The following NLRC4 variants were observed in gnomAD, a reference collection of about 807,000 sequenced individuals.
NLRC4 encodes NLR family CARD domain-containing protein 4.
A neutral mutation model predicts 79.9 loss-of-function variants in NLRC4; 63 were observed. That is an observed-to-expected ratio of 0.79 (90% CI 0.64 to 0.97). The LOEUF is 0.97. Among genes scored for constraint, NLRC4 ranks in the 50% least tolerant of loss-of-function variants. The probability of loss-of-function intolerance (pLI) is 0.00; values close to 1 mark genes in which losing one functional copy is unlikely to be tolerated. For synonymous variants in NLRC4, 461 were observed against 456.5 expected (o/e 1.01, Z -0.12); for missense variants, 1,074 against 1,215.2 (o/e 0.88, Z 1.73).
At chr2:32,244,795 TAGAG>T (rs1385234269) in intron 4 of NLRC4, among the ~76,000 whole-genome samples, 23 of 136,318 alleles carry the variant, frequency 1.7e-4, no homozygotes, top group Admixed American at 1.3e-3. Context: ...CTTGGCAACA[TAGAG>T]AGACCTCCTC....
intron 8 of NLRC4, among the ~76,000 whole-genome samples, chr2:32,226,679 G>C (rs1426227974): frequency 1.3e-5 from 2 of 152,200 alleles, no homozygotes; most frequent in Non-Finnish European, 2.9e-5. Flanking sequence ...TCAGGAGTTT[G>C]AGACCAGCCT....
chr2:32,232,807 G>A (rs1057332219), intron 8 of NLRC4, among the ~76,000 whole-genome samples: 1 of 152,200 alleles, frequency 6.6e-6, no homozygotes, highest in African/African-American at 2.4e-5. Flanking sequence ...ATTAGGAGTA[G>A]ATAGAAATAC....
chr2:32,238,307 A>G lies in NLRC4; in HGVS notation c.2351-5T>C. On this transcript the variant is annotated splice_polypyrimidine_tract_variant and splice_region_variant and intron_variant, in intron 5 of 8. Coordinates refer to ENST00000402280, the MANE Select transcript of NLRC4 (RefSeq NM_001199138.2). ...TCAGGTTTTTCAGGCCTTCAGCTGA[A>G]AAATGATAGAAAGGAATGCATTAGG... 6.2e-7 allele frequency: 1 copy of G among 1,607,872 alleles called. No individual in the cohort carries two copies. The highest frequency in any genetic ancestry group is 8.5e-7 in the Non-Finnish European group (1 of 1,177,512).
At chr2:32,249,516 AGAAAT>A (rs991044546) in intron 4 of NLRC4, 86 bp downstream of exon 4, 4 of 1,083,986 alleles carry the variant, frequency 3.7e-6, no homozygotes, top group Non-Finnish European at 5.3e-6. Flanking sequence ...ACCCTTTAGA[AGAAAT>A]AAAGTCTCCT....
At chr2:32,243,543 T>G (rs1192535321) in intron 4 of NLRC4, among the ~76,000 whole-genome samples, 1 of 151,912 alleles carries the variant, frequency 6.6e-6, no homozygotes, top group Non-Finnish European at 1.5e-5. Flanking sequence ...GGCTCACACT[T>G]GTAATCCCAG....
At position 32,224,598 on chromosome 2, in the gene NLRC4, C is replaced by G. The variant is rs1446400082; in HGVS notation, c.2950G>C (p.Val984Leu). ...GATAACACTTGGCTAAGTTTTCTGACTAATGCTGGATCAGGTAGAAATTCT... is the reference window on the plus strand; with the variant it reads ...GATAACACTTGGCTAAGTTTTCTGAGTAATGCTGGATCAGGTAGAAATTCT... Reference protein sequence around the residue: ...TKEFLPDPALVRKLSQVLSKL... With the variant: ...TKEFLPDPALLRKLSQVLSKL... Residue 984 changes from valine (V) to leucine (L), a missense_variant, in exon 9 of 9, where the codon GTC (valine) becomes CTC (leucine). Coordinates refer to ENST00000402280, the MANE Select transcript of NLRC4 (RefSeq NM_001199138.2). 2 of 1,613,902 alleles carry G rather than the reference C, an allele frequency of 1.2e-6. No homozygotes were observed. Among genetic ancestry groups the G allele is most frequent in the Non-Finnish European group, 1.7e-6 (2 of 1,179,854 alleles).
intron 4 of NLRC4, among the ~76,000 whole-genome samples, chr2:32,244,016 C>T (rs1031336206): frequency 6.6e-6 from 1 of 151,970 alleles, no homozygotes; most frequent in Non-Finnish European, 1.5e-5. Flanking sequence ...TCGGGAGGCC[C>T]AGGCGGGAAA....
chr2:32,247,937 C>T (rs1001503326), intron 4 of NLRC4, among the ~76,000 whole-genome samples: 1 of 152,110 alleles, frequency 6.6e-6, no homozygotes, highest in African/African-American at 2.4e-5. Flanking sequence ...ACCATATATA[C>T]TCACTTACAA....
At chr2:32,245,661 G>A (rs779287538) in intron 4 of NLRC4, among the ~76,000 whole-genome samples, 19 of 152,130 alleles carry the variant, frequency 1.2e-4, no homozygotes, top group Non-Finnish European at 2.6e-4. Flanking sequence ...TTGAAGGGAT[G>A]GATACTCCAT....
At position 32,251,081 on chromosome 2, in the gene NLRC4, G is replaced by C; in HGVS notation, c.783C>G (p.Ile261Met). 2.5e-6 allele frequency: 4 copies of C among 1,614,100 alleles called. No homozygotes were observed. The highest frequency in any genetic ancestry group is 3.4e-6 in the Non-Finnish European group (4 of 1,180,030). The change falls in exon 4 of 9, where the codon ATC becomes ATG. Residue 261 changes from isoleucine (I) to methionine (M), a missense_variant. By Grantham distance (10) the Ile-to-Met change is conservative (BLOSUM62 1). Transcript: ENST00000402280. ...NEFKPQNCPE[I>M]EALIKENHRF... ...GGTGGTTTTCCTTTATCAGGGCTTC[G>C]ATTTCTGGGCAGTTCTGGGGCTTGA...
At position 32,250,572 on chromosome 2, in the gene NLRC4, G is replaced by C. The variant is rs748635861; in HGVS notation, c.1292C>G (p.Thr431Arg). The C allele has an allele frequency of 1.5e-5, 25 of 1,614,160 alleles. No homozygotes were observed. Among genetic ancestry groups the C allele is most frequent in the Non-Finnish European group, 2.1e-5 (25 of 1,180,016 alleles). The change falls in exon 4 of 9, where the codon ACA (threonine) becomes AGA (arginine). Residue 431 changes from threonine (T) to arginine (R), a missense_variant. Transcript: ENST00000402280. The surrounding 1 kb of genome is among the most constrained non-coding windows in gnomAD (Gnocchi z 4.9). ...ATACTTTGGCTTGAACCTTTGAGCTGTATATTTACAGAGGAGCCCAGTTGT... is the reference window on the plus strand; with the variant it reads ...ATACTTTGGCTTGAACCTTTGAGCTCTATATTTACAGAGGAGCCCAGTTGT... ...LLTTGLLCKY[T>R]AQRFKPKYKF...
chr2:32,235,150 A>T (rs1686642699), intron 8 of NLRC4, among the ~76,000 whole-genome samples: 1 of 152,226 alleles, frequency 6.6e-6, no homozygotes, highest in Non-Finnish European at 1.5e-5. Flanking sequence ...AAGAGCTATG[A>T]CTAATATAAT....
At chr2:32,259,287 T>C (rs866848856) in intron 1 of NLRC4, among the ~76,000 whole-genome samples, 43 of 135,478 alleles carry the variant, frequency 3.2e-4, no homozygotes, top group African/African-American at 1.2e-3. Flanking sequence ...TTTTTTTTTT[T>C]TTTAGAGACA....
intron 8 of NLRC4, among the ~76,000 whole-genome samples, chr2:32,227,933 G>A (rs1488967806): frequency 6.6e-6 from 1 of 152,170 alleles, no homozygotes; most frequent in Non-Finnish European, 1.5e-5. Context: ...GATGCCCTGG[G>A]TAGAAGGGTT....
Position 32,231,927 on chromosome 2 carries a change from T to A in NLRC4, c.2782+3474A>T, listed in dbSNP as rs77251965. On this transcript the variant is annotated intron_variant, in intron 8 of 8. Coordinates refer to ENST00000402280, the MANE Select transcript of NLRC4 (RefSeq NM_001199138.2). ...TCCAGGATAGGACATTACATTTCAT[T>A]GTCATGTCTCTTTAGGTTCCTCATG... 4.1e-3 allele frequency among the ~76,000 whole-genome samples: 632 copies of A among 152,300 alleles called. 9 individuals are homozygous for A. Among genetic ancestry groups the A allele is most frequent in the African/African-American group, 0.015 (622 of 41,564 alleles).
chr2:32,238,020 C>T, intron 6 of NLRC4, 112 bp downstream of exon 6: 4 of 663,266 alleles, frequency 6.0e-6, no homozygotes, highest in Non-Finnish European at 4.6e-6. Flanking sequence ...TTTTTATTTT[C>T]CAGTTTTCCT....
At chr2:32,237,497 A>C (rs1686699712) in intron 6 of NLRC4, among the ~76,000 whole-genome samples, 2 of 152,324 alleles carry the variant, frequency 1.3e-5, no homozygotes, top group African/African-American at 4.8e-5. Flanking sequence ...ACTTTATATT[A>C]GTATACAAAT....
chr2:32,234,486 C>T (rs1014210502), intron 8 of NLRC4, among the ~76,000 whole-genome samples: 3 of 152,204 alleles, frequency 2.0e-5, no homozygotes, highest in African/African-American at 7.2e-5. Flanking sequence ...GCAATCGAGG[C>T]TGTTTTCACA....
chr2:32,241,033 C>CTA lies in NLRC4; in HGVS notation c.2348_2349dup (p.Ala784Ter), dbSNP rs1686787794. 1 of 1,558,266 alleles carries CTA rather than the reference C, an allele frequency of 6.4e-7. No homozygotes were observed. The highest frequency in any genetic ancestry group is 2.2e-5 in the East Asian group (1 of 44,460). ...ACAAATATGAGAACAGAAATCTGAC[C>CTA]TAGTTTTATAGCATCTTCTTCATTC... is the stretch of plus-strand genomic sequence containing the variant. On this transcript the variant is annotated frameshift_variant and splice_region_variant, in exon 5 of 9. Transcript: ENST00000402280. LOFTEE classifies it high-confidence loss of function.
Sources: gnomAD v4.1 joint callset for allele counts (sites outside exome capture counted in the v4.1 genomes callset) on GRCh38, gnomAD v4.1.1 for gene constraint, Gnocchi (gnomAD v3.1) non-coding constraint, MANE v1.5 for transcripts, NCBI Gene and HGNC (gene_info 2026-07-23, HGNC 2026-07-21) for gene names.